The following ANXA2 variants were observed in gnomAD, a reference collection of about 807,000 sequenced individuals.
ANXA2 encodes the protein annexin A2.
A neutral mutation model predicts 47.3 loss-of-function variants in ANXA2; 28 were observed. The observed-to-expected ratio is 0.59, with a 90% CI of 0.44 to 0.81. The LOEUF is 0.81. Ranked by LOEUF, ANXA2 falls within the 40% of genes least tolerant of loss-of-function variation. The pLI is 0.00. For synonymous variants in ANXA2, 172 were observed against 155.5 expected (o/e 1.11, Z -0.79); for missense variants, 384 against 414.3 (o/e 0.93, Z 0.64).
chr15:60,370,056 C>G (rs950256819), intron 3 of ANXA2, among the ~76,000 whole-genome samples: 2 of 152,150 alleles, frequency 1.3e-5, no homozygotes, highest in Admixed American at 6.5e-5. Context: ...CATAAAGAGC[C>G]TGGGTGGTTA....
In ANXA2 at chr15:60,378,839, G is replaced by A. The variant is rs575765381; in HGVS notation, c.148+3503C>T. 6.6e-5 allele frequency among the ~76,000 whole-genome samples: 10 copies of A among 151,352 alleles called. No homozygotes were observed. The East Asian group carries it at 1.4e-3, about 21-fold the overall frequency. ...AAATTAGCCAGGCATGGTGGCACACGCCTATAGTCCCAACTACTTGGGAGG... is the reference window on the plus strand; with the variant it reads ...AAATTAGCCAGGCATGGTGGCACACACCTATAGTCCCAACTACTTGGGAGG... On this transcript the variant is annotated intron_variant, in intron 3 of 12. Transcript: ENST00000451270.
intron 3 of ANXA2, among the ~76,000 whole-genome samples, chr15:60,369,056 A>T (rs551966546): frequency 1.3e-3 from 196 of 152,326 alleles, no homozygotes; most frequent in African/African-American, 3.8e-3. Context: ...TTATGTGTGT[A>T]AACATTTGTC....
intron 10 of ANXA2, 86 bp from the exon 11 acceptor site, chr15:60,351,337 C>A: frequency 7.1e-7 from 1 of 1,401,358 alleles, no homozygotes; most frequent in South Asian, 1.2e-5. Flanking sequence ...CCCTGGGCCA[C>A]AAACCAGAAG....
rs577214182 is a variant in ANXA2 at position 60,392,529 on chromosome 15, T to A, written c.-12+5414A>T. The stretch of plus-strand genomic sequence containing the variant: ...TTACTCCCAAAAAGAAGAGTAAAAG[T>A]TTACAAAAAGGTTAAAACAAACAAA... On this transcript the variant is annotated intron_variant, in intron 1 of 12. Transcript: ENST00000451270. Among the ~76,000 whole-genome samples, 644 of 149,832 alleles carry A rather than the reference T, an allele frequency of 4.3e-3. 3 individuals are homozygous for A. The highest frequency in any genetic ancestry group is 7.6e-3 in the Non-Finnish European group (511 of 67,422).
At chr15:60,365,732 A>G (rs887592937) in intron 3 of ANXA2, among the ~76,000 whole-genome samples, 7 of 152,194 alleles carry the variant, frequency 4.6e-5, no homozygotes, top group African/African-American at 1.7e-4. Context: ...GCAAGTCCAT[A>G]CCAATATGCT....
chr15:60,380,876 C>T (rs928849333), intron 3 of ANXA2, among the ~76,000 whole-genome samples: 4 of 150,704 alleles, frequency 2.7e-5, no homozygotes, highest in African/African-American at 9.8e-5. Flanking sequence ...CTGCCCTCAG[C>T]TGTGCAGACA....
chr15:60,385,408 A>C (rs1285002007), intron 2 of ANXA2: 2 of 152,238 alleles, frequency 1.3e-5, no homozygotes, highest in Non-Finnish European at 2.9e-5. Context: ...TCAACTAAAA[A>C]TACAAAAATT....
At chr15:60,381,537 C>T (rs1433541674) in intron 3 of ANXA2, among the ~76,000 whole-genome samples, 1 of 152,140 alleles carries the variant, frequency 6.6e-6, no homozygotes, top group East Asian at 1.9e-4. Flanking sequence ...ATAAGAAGCT[C>T]TTGCTCAACC....
At position 60,370,633 on chromosome 15, in the gene ANXA2, C is replaced by T. The variant is rs117320451; in HGVS notation, c.149-6110G>A. Among the ~76,000 whole-genome samples, 211 of 152,242 alleles carry T rather than the reference C, an allele frequency of 1.4e-3. 3 individuals carry two copies. In the East Asian group the frequency reaches 0.034, roughly 24 times the overall value. On this transcript the variant is annotated intron_variant, in intron 3 of 12. Coordinates refer to ENST00000451270, the MANE Select transcript of ANXA2 (RefSeq NM_004039.3). ...CAACTGAAGGACTCGGACGGAACCT[C>T]GAATACCTATGTCAGCACAATCATC...
At chr15:60,351,852 G>T in intron 9 of ANXA2, 33 bp from the exon 10 acceptor site, 1 of 1,440,790 alleles carries the variant, frequency 6.9e-7, no homozygotes, top group Non-Finnish European at 9.8e-7. Context: ...TATCAGATCC[G>T]AGCCACTAGT....
intron 3 of ANXA2, among the ~76,000 whole-genome samples, chr15:60,371,036 T>A (rs1008943184): frequency 6.6e-6 from 1 of 152,108 alleles, no homozygotes; most frequent in African/African-American, 2.4e-5. Flanking sequence ...TTTTTACAAT[T>A]TTTTTTCAAA....
At chr15:60,351,394 G>T in intron 10 of ANXA2, 143 bp from the exon 11 acceptor site, 1 of 805,240 alleles carries the variant, frequency 1.2e-6, no homozygotes, top group South Asian at 1.6e-5. Context: ...CAGGCTAAGG[G>T]AAATCTAGAA....
chr15:60,380,726 C>CCA (rs1320777090), intron 3 of ANXA2, among the ~76,000 whole-genome samples: 4 of 149,104 alleles, frequency 2.7e-5, no homozygotes, highest in African/African-American at 9.9e-5. Flanking sequence ...ATCACTTGAG[C>CCA]CCGGGAGGTG....
At chr15:60,348,634 A>G (rs1231909060) in intron 12 of ANXA2, among the ~76,000 whole-genome samples, 2 of 151,682 alleles carry the variant, frequency 1.3e-5, no homozygotes, top group Non-Finnish European at 2.9e-5. Context: ...AGTCCTAGCT[A>G]CTTGGGAGGC....
At chr15:60,354,968 G>C (rs983026530) in intron 7 of ANXA2, among the ~76,000 whole-genome samples, 6 of 152,160 alleles carry the variant, frequency 3.9e-5, no homozygotes, top group Admixed American at 6.5e-5. Context: ...GTGAACGATG[G>C]GCCTGGGCTT....
chr15:60,397,220 C>CAGG, intron 1 of ANXA2: 1 of 955,130 alleles, frequency 1.0e-6, no homozygotes, highest in Non-Finnish European at 1.2e-6. Flanking sequence ...TGGCGAGTAA[C>CAGG]AGGACAACCC....
intron 7 of ANXA2, 33 bp from the exon 8 acceptor site, chr15:60,354,246 T>C: frequency 6.5e-7 from 1 of 1,531,106 alleles, no homozygotes; most frequent in East Asian, 2.2e-5. Context: ...TTCAAATACA[T>C]TTCTTTGTGT....
At chr15:60,382,514 A>C in intron 2 of ANXA2, 73 bp from the exon 3 acceptor site, 1 of 1,066,834 alleles carries the variant, frequency 9.4e-7, no homozygotes, top group Non-Finnish European at 1.4e-6. Flanking sequence ...AATGCCTAAT[A>C]TGTTTTCCTA....
In ANXA2 at chr15:60,351,753, C is replaced by T. The variant is rs757848231; in HGVS notation, c.749G>A (p.Gly250Glu). 13 of 1,613,426 alleles carry T rather than the reference C, an allele frequency of 8.1e-6. No individual in the cohort carries two copies. In the Admixed American group the frequency reaches 2.2e-4, roughly 27 times the overall value. The change falls in exon 10 of 13, where the codon GGA becomes GAA. Residue 250 changes from glycine to glutamate, a missense_variant. Transcript: ENST00000451270. ...GTTCAGGAAAGCATTTTCCAGGTCT[C>T]CTTTAACCTCTTTCCTGATGCTTTC... ...MLESIRKEVK[G>E]DLENAFLNLV...
Sources: allele counts gnomAD v4.1 joint callset (sites outside exome capture counted in the v4.1 genomes callset), GRCh38; gene constraint gnomAD v4.1.1; transcripts MANE v1.5; gene names NCBI Gene and HGNC (gene_info 2026-07-23, HGNC 2026-07-21).